HSPH1: variants seen among roughly 807,000 people sequenced by gnomAD.
HSPH1 encodes the protein heat shock protein family H (Hsp110) member 1, also known as heat shock protein 105 kDa.
HSPH1 carries 40 observed loss-of-function variants against 100.0 expected under a neutral mutation model. That is an observed-to-expected ratio of 0.40 (90% CI 0.31 to 0.52). The LOEUF (loss-of-function observed/expected upper bound fraction) is 0.52, where lower values mean the gene tolerates loss of function less well. HSPH1 is among the 20% of genes least tolerant of loss of function. The probability of loss-of-function intolerance (pLI) is 0.54; values close to 1 mark genes in which losing one functional copy is unlikely to be tolerated. For missense variants in HSPH1, 876 were observed against 1,015.1 expected (o/e 0.86, Z 1.86); for synonymous variants, 403 against 344.0 (o/e 1.17, Z -1.90).
upstream of HSPH1, chr13:31,162,076 G>GAACGGCC: frequency 6.5e-7 from 1 of 1,536,142 alleles, no homozygotes; most frequent in South Asian, 1.2e-5. Context: ...GGTCCCCGGA[G>GAACGGCC]AACGGCCGCC....
intron 6 of HSPH1, 154 bp downstream of exon 6, chr13:31,151,455 G>A (rs1956484016): frequency 2.8e-6 from 2 of 715,276 alleles, no homozygotes; most frequent in African/African-American, 1.8e-5. Context: ...TCATCTTTAT[G>A]GAGCTCAACC....
chr13:31,161,322 G>A (rs1956900513), intron 1 of HSPH1, among the ~76,000 whole-genome samples, 154 bp downstream of exon 1: 1 of 152,108 alleles, frequency 6.6e-6, no homozygotes, highest in African/African-American at 2.4e-5. Flanking sequence ...CCCTCCTCTG[G>A]CCGGGTCGCT....
At chr13:31,142,040 C>T (rs1374789662) in intron 12 of HSPH1, among the ~76,000 whole-genome samples, 1 of 152,024 alleles carries the variant, frequency 6.6e-6, no homozygotes, top group South Asian at 2.1e-4. Context: ...TCCATTTCTG[C>T]AGGTTCCTAC....
chr13:31,146,453 C>G (rs1956268318), intron 10 of HSPH1, among the ~76,000 whole-genome samples: 1 of 152,154 alleles, frequency 6.6e-6, no homozygotes, highest in Non-Finnish European at 1.5e-5. Context: ...TGAGCACAAA[C>G]TGGACATGAA....
At position 31,135,034 on chromosome 13, in the gene HSPH1, G is replaced by C. The variant is rs1026426845; in HGVS notation, c.*2284C>G. On this transcript the variant is annotated 3_prime_UTR_variant, in exon 18 of 18. Transcript: ENST00000320027. ...ACAAAATGACAATTTAAAATGAATT[G>C]TAAAATTTAATCTTTAAACAGCATT... 6.6e-6 allele frequency: 1 copy of C among 152,132 alleles called. No individual in the cohort carries two copies. Among genetic ancestry groups the C allele is most frequent in the Non-Finnish European group, 1.5e-5 (1 of 68,022 alleles). 9.4% of individuals were successfully genotyped at this position (152,132 alleles called of 1,614,324 possible). A position where few individuals can be genotyped will look rare whatever the true frequency, so the allele number is the denominator to read the frequency against.
rs563055226 is a variant in HSPH1 at position 31,143,373 on chromosome 13, C to G, written c.1716+419G>C. ...CATAATTAATTTACTTAAATTTGAC[C>G]GATGGCTTGAGAGGAGAAAGTTTAC... On this transcript the variant is annotated intron_variant, in intron 12 of 17. Coordinates refer to ENST00000320027, the MANE Select transcript of HSPH1 (RefSeq NM_006644.4). 2.0e-5 allele frequency among the ~76,000 whole-genome samples: 3 copies of G among 152,078 alleles called. No individual in the cohort carries two copies. In the South Asian group the frequency reaches 6.2e-4, roughly 31 times the overall value.
intron 10 of HSPH1, 148 bp downstream of exon 10, chr13:31,147,811 C>T: frequency 1.5e-6 from 1 of 654,626 alleles, no homozygotes; most frequent in Non-Finnish European, 2.5e-6. Context: ...ATTTCTCCAT[C>T]ACCATTATTC....
At chr13:31,145,510 G>T in intron 11 of HSPH1, 53 bp downstream of exon 11, 1 of 1,400,566 alleles carries the variant, frequency 7.1e-7, no homozygotes, top group Non-Finnish European at 1.0e-6. Flanking sequence ...TTCTCCTATA[G>T]CTTAGAACTA....
At chr13:31,140,146 T>G in intron 14 of HSPH1, 38 bp downstream of exon 14, 14 of 1,581,490 alleles carry the variant, frequency 8.9e-6, no homozygotes, top group Non-Finnish European at 1.2e-5. Flanking sequence ...ACACTTCATA[T>G]GAGACTATCT....
chr13:31,136,937 A>G lies in HSPH1; in HGVS notation c.*381T>C. ...CCACACCCACACACATGCTGAATGG[A>G]GAGCAAAATGCAAGAAAACTACCTT... On this transcript the variant is annotated 3_prime_UTR_variant, in exon 18 of 18. Transcript: ENST00000320027. The G allele has an allele frequency of 3.2e-6, 1 of 312,868 alleles. No individual in the cohort carries two copies. Among genetic ancestry groups the G allele is most frequent in the Non-Finnish European group, 6.4e-6 (1 of 155,210 alleles). The allele number at this position is 312,868 out of a possible 1,614,324, so 19.4% of individuals were successfully genotyped here.
intron 4 of HSPH1, chr13:31,154,310 G>A (rs1248169021): frequency 2.0e-5 from 7 of 354,170 alleles, no homozygotes; most frequent in Non-Finnish European, 3.7e-5. Context: ...TCTTTCACCT[G>A]TGAAAAGCTC....
intron 10 of HSPH1, among the ~76,000 whole-genome samples, chr13:31,146,114 A>G (rs1956257719): frequency 6.6e-6 from 1 of 152,174 alleles, no homozygotes; most frequent in Non-Finnish European, 1.5e-5. Flanking sequence ...CAGCCTGGTG[A>G]CAAAGTGAGA....
At position 31,145,647 on chromosome 13, in the gene HSPH1, T is replaced by C. The variant is rs767380635; in HGVS notation, c.1500A>G (p.Lys500=). 3 of 1,613,720 alleles carry C rather than the reference T, an allele frequency of 1.9e-6. No individual in the cohort carries two copies. In the South Asian group the frequency reaches 3.3e-5, roughly 18 times the overall value. ...FTISTASMVE[K]VPTEENEMSS... is the part of the protein sequence containing the mutation. ...ACATTTCATTCTCCTCAGTTGGGAC[T>C]TTCTCCACCATAGATGCCGTAGAGA... is the stretch of plus-strand genomic sequence containing the variant. The change falls in exon 11 of 18, where the codon AAA becomes AAG. Residue 500 remains lysine (K), a synonymous_variant. Transcript: ENST00000320027.
chr13:31,152,107 T>C (rs1956509020), intron 5 of HSPH1: 1 of 162,454 alleles, frequency 6.2e-6, no homozygotes, highest in Non-Finnish European at 1.3e-5. Context: ...AAGAATTTAA[T>C]ATACAACTAC....
chr13:31,153,917 TA>T (rs1357068692), intron 4 of HSPH1: 14 of 152,022 alleles, frequency 9.2e-5, no homozygotes, highest in African/African-American at 3.1e-4. Flanking sequence ...TGCCAGAGAT[TA>T]AAACACTTCC....
chr13:31,148,152 TA>T, intron 9 of HSPH1, 60 bp from the exon 10 acceptor site: 3 of 1,495,944 alleles, frequency 2.0e-6, no homozygotes, highest in Non-Finnish European at 2.7e-6. Flanking sequence ...CTTACTGTGC[TA>T]CACAAACAGA....
Position 31,145,699 on chromosome 13 carries a change from C to T in HSPH1, c.1448G>A (p.Arg483Gln), listed in dbSNP as rs765642778. 13 of 1,613,556 alleles carry T rather than the reference C, an allele frequency of 8.1e-6. No homozygotes were observed. Among genetic ancestry groups the T allele is most frequent in the Admixed American group, 6.7e-5 (4 of 59,888 alleles). The change falls in exon 11 of 18, where the codon CGA (arginine) becomes CAA (glutamine). Residue 483 changes from arginine to glutamine, a missense_variant. Physicochemically the swap from Arg to Gln is conservative, Grantham distance 43. Transcript: ENST00000320027. ...GEKSRVKVKV[R>Q]VNTHGIFTIS... is the part of the protein sequence containing the mutation. ...GGTGAAAATGCCATGGGTGTTGACT[C>T]GCACTTTGACTTTTACTCTAGATTT...
At chr13:31,150,872 C>G in intron 7 of HSPH1, 75 bp downstream of exon 7, 1 of 1,415,400 alleles carries the variant, frequency 7.1e-7, no homozygotes, top group South Asian at 1.4e-5. Context: ...ACTCACAACA[C>G]CCACTAGAAC....
At chr13:31,157,785 G>C (rs1956751710) in intron 2 of HSPH1, among the ~76,000 whole-genome samples, 1 of 152,130 alleles carries the variant, frequency 6.6e-6, no homozygotes, top group African/African-American at 2.4e-5. Context: ...TCATAAAGGA[G>C]AGCTACCTAC....
Sources: gnomAD v4.1 joint callset for allele counts (sites outside exome capture counted in the v4.1 genomes callset) on GRCh38, gnomAD v4.1.1 for gene constraint, MANE v1.5 for transcripts, NCBI Gene and HGNC (gene_info 2026-07-23, HGNC 2026-07-21) for gene names.